ZNF727: variants seen among roughly 807,000 people sequenced by gnomAD.
ZNF727 encodes the protein putative zinc finger protein 727.
Under a neutral mutation model 11.5 loss-of-function variants are expected in ZNF727, and 11 were observed. The ratio of observed to expected loss-of-function variants is 0.95; its 90% CI spans 0.60 to 1.58. ZNF727 has a LOEUF of 1.58. ZNF727 is among the 40% of genes most tolerant of loss of function. The pLI is 0.00. For missense variants in ZNF727, 533 were observed against 581.7 expected (o/e 0.92, Z 0.86); for synonymous variants, 171 against 196.1 (o/e 0.87, Z 1.07).
At chr7:64,053,262 T>C (rs1031109387) in intron 1 of ZNF727, among the ~76,000 whole-genome samples, 1 of 152,210 alleles carries the variant, frequency 6.6e-6, no homozygotes, top group Admixed American at 6.5e-5. Flanking sequence ...TTTCCCATGC[T>C]GTTCTCCTGA....
intron 1 of ZNF727, among the ~76,000 whole-genome samples, chr7:64,062,801 A>G (rs1562793371): frequency 2.9e-5 from 4 of 139,508 alleles, no homozygotes; most frequent in Non-Finnish European, 6.3e-5. Context: ...TCTTGAGGCT[A>G]TTTTTTTTTT....
chr7:64,047,592 A>G (rs1220570863), intron 1 of ZNF727, among the ~76,000 whole-genome samples: 1 of 152,130 alleles, frequency 6.6e-6, no homozygotes, highest in Non-Finnish European at 1.5e-5. Flanking sequence ...TGTCTCTTGG[A>G]GTGTCTAGCA....
In ZNF727 at chr7:64,078,723, A is replaced by C. The variant is rs1785736116; in HGVS notation, c.*174A>C. 6.6e-6 allele frequency among the ~76,000 whole-genome samples: 1 copy of C among 152,076 alleles called. No homozygotes were observed. The highest frequency in any genetic ancestry group is 6.5e-5 in the Admixed American group (1 of 15,276). Reference sequence around the variant, plus strand: ...CCTTACAAGCCACAAGAGAATTCATATGGAAGAGAGACCTTACAAATGTGA... The same window carrying C: ...CCTTACAAGCCACAAGAGAATTCATCTGGAAGAGAGACCTTACAAATGTGA... On this transcript the variant is annotated 3_prime_UTR_variant, in exon 4 of 4. Coordinates refer to ENST00000456806, the MANE Select transcript of ZNF727 (RefSeq NM_001159522.3).
At chr7:64,053,452 C>G (rs984314821) in intron 1 of ZNF727, among the ~76,000 whole-genome samples, 1 of 152,090 alleles carries the variant, frequency 6.6e-6, no homozygotes, top group African/African-American at 2.4e-5. Flanking sequence ...TCCTGAGTAG[C>G]CAGGATTACA....
In ZNF727 at chr7:64,077,346, C is replaced by G. The variant is rs1235936660; in HGVS notation, c.297C>G (p.Ile99Met). 24 of 1,550,732 alleles carry G rather than the reference C, an allele frequency of 1.5e-5. No individual in the cohort carries two copies. Among genetic ancestry groups the G allele is most frequent in the Non-Finnish European group, 2.1e-5 (24 of 1,146,782 alleles). The stretch of plus-strand genomic sequence containing the variant: ...TAAACGATTCATTTCAAAAAGTGAT[C>G]CTGAGAAAATCTGGAAGCTGTGACC... ...HDINDSFQKV[I>M]LRKSGSCDLN... The change falls in exon 4 of 4, where the codon ATC becomes ATG. Residue 99 changes from isoleucine to methionine, a missense_variant. Around this residue, in one of 3 missense-constraint regions of ZNF727, gnomAD observed 463 missense variants for 494.5 expected, o/e 0.94. Coordinates refer to ENST00000456806, the MANE Select transcript of ZNF727 (RefSeq NM_001159522.3).
intron 3 of ZNF727, among the ~76,000 whole-genome samples, chr7:64,074,709 C>T (rs1972857): frequency 0.65 from 98,877 of 151,942 alleles, 32,540 homozygotes; most frequent in Admixed American, 0.73. Flanking sequence ...TATTTCACTT[C>T]GAAAGTATCT....
chr7:64,069,684 A>G (rs1341474131), intron 3 of ZNF727, 75 bp downstream of exon 3: 10 of 1,152,362 alleles, frequency 8.7e-6, no homozygotes, highest in African/African-American at 3.1e-5. Flanking sequence ...ACCTTGAAAC[A>G]TGCTTCCAGA....
chr7:64,074,568 G>A (rs1744685012), intron 3 of ZNF727, among the ~76,000 whole-genome samples: 1 of 152,152 alleles, frequency 6.6e-6, no homozygotes, highest in South Asian at 2.1e-4. Context: ...CGAGATTTGA[G>A]AGAGGCCAGG....
intron 1 of ZNF727, among the ~76,000 whole-genome samples, chr7:64,046,498 C>T (rs1229998999): frequency 6.6e-6 from 1 of 152,166 alleles, no homozygotes; most frequent in Non-Finnish European, 1.5e-5. Flanking sequence ...ATTGACCTCT[C>T]GATAGTGACT....
chr7:64,076,572 C>T (rs565416857), intron 3 of ZNF727, among the ~76,000 whole-genome samples: 26 of 151,876 alleles, frequency 1.7e-4, no homozygotes, highest in African/African-American at 5.1e-4. Context: ...CCAGTCTGGG[C>T]GACAGAGAGA....
At chr7:64,055,254 T>TA (rs1480854088) in intron 1 of ZNF727, among the ~76,000 whole-genome samples, 1 of 151,816 alleles carries the variant, frequency 6.6e-6, no homozygotes. Flanking sequence ...CCATATCTAC[T>TA]AAAAAATACA....
rs61739336 is a variant in ZNF727 at position 64,077,989 on chromosome 7, T to C, written c.940T>C (p.Cys314Arg). ...RIHTGEKPYK[C>R]NECGKAFMWI... is the part of the protein sequence containing the mutation. ...TCATACTGGAGAGAAACCCTACAAA[T>C]GTAATGAATGTGGAAAAGCTTTTAT... The change falls in exon 4 of 4, where the codon TGT becomes CGT. Residue 314 changes from cysteine to arginine, a missense_variant. Physicochemically the swap from Cys to Arg is radical, Grantham distance 180. Around this residue, in one of 3 missense-constraint regions of ZNF727, gnomAD observed 463 missense variants for 494.5 expected, o/e 0.94. Transcript: ENST00000456806. 6.5e-3 allele frequency: 10,433 copies of C among 1,601,150 alleles called. 59 individuals are homozygous for C. The highest frequency in any genetic ancestry group is 7.8e-3 in the Non-Finnish European group (9,130 of 1,172,998).
At position 64,081,475 on chromosome 7, in the gene ZNF727, A is replaced by G. The variant is rs1351903394; in HGVS notation, c.*2926A>G. 1.3e-5 allele frequency among the ~76,000 whole-genome samples: 2 copies of G among 152,122 alleles called. No homozygotes were observed. The highest frequency in any genetic ancestry group is 2.9e-5 in the Non-Finnish European group (2 of 68,032). Reference sequence around the variant, plus strand: ...AAACTCACCTTTGCAGACATGTGCCAGCAAAGTAATATGGGGAGTTGCCAT... The same window carrying G: ...AAACTCACCTTTGCAGACATGTGCCGGCAAAGTAATATGGGGAGTTGCCAT... On this transcript the variant is annotated 3_prime_UTR_variant, in exon 4 of 4. Coordinates refer to ENST00000456806, the MANE Select transcript of ZNF727 (RefSeq NM_001159522.3).
rs778544588 is a variant in ZNF727, at chr7:64,045,462, C to G, written c.-160C>G. 18 of 1,048,940 alleles carry G rather than the reference C, an allele frequency of 1.7e-5. 1 individual carries two copies. The highest frequency in any genetic ancestry group is 2.7e-5 in the South Asian group (2 of 73,456). The allele number at this position is 1,048,940 out of a possible 1,614,324, so 65.0% of individuals were successfully genotyped here. A position where few individuals can be genotyped will look rare whatever the true frequency, so the allele number is the denominator to read the frequency against. ...CTCTTCAATATGGCAAGGCCTTCGT[C>G]TCCTAGCTTCTAGGCTCTGAGTCCA... is the stretch of plus-strand genomic sequence containing the variant. On this transcript the variant is annotated 5_prime_UTR_variant, in exon 1 of 4. Transcript: ENST00000456806.
At position 64,045,485 on chromosome 7, in the gene ZNF727, C is replaced by G. The variant is rs996505513; in HGVS notation, c.-137C>G. 64 of 1,211,974 alleles carry G rather than the reference C, an allele frequency of 5.3e-5. No individual in the cohort carries two copies. Among genetic ancestry groups the G allele is most frequent in the Non-Finnish European group, 7.3e-5 (61 of 838,834 alleles). 75.1% of individuals were successfully genotyped at this position (1,211,974 alleles called of 1,614,324 possible). The stretch of plus-strand genomic sequence containing the variant: ...GTCTCCTAGCTTCTAGGCTCTGAGT[C>G]CAGTACCCGTCTGTACTATTCCATC... On this transcript the variant is annotated 5_prime_UTR_variant, in exon 1 of 4. Transcript: ENST00000456806.
chr7:64,072,558 T>C lies in ZNF727; in HGVS notation c.226+2949T>C, dbSNP rs199806662. On this transcript the variant is annotated intron_variant, in intron 3 of 3. Coordinates refer to ENST00000456806, the MANE Select transcript of ZNF727 (RefSeq NM_001159522.3). ...CGGTGCTGAAACTGAGTCACTGAAC[T>C]GTTTCAGAGAGCACAGTAAAGGCCA... Among the ~76,000 whole-genome samples, 4 of 152,172 alleles carry C rather than the reference T, an allele frequency of 2.6e-5. No individual in the cohort carries two copies. The East Asian group carries it at 7.7e-4, about 29-fold the overall frequency.
At chr7:64,061,098 C>T (rs1313776985) in intron 1 of ZNF727, among the ~76,000 whole-genome samples, 1 of 152,146 alleles carries the variant, frequency 6.6e-6, no homozygotes, top group Non-Finnish European at 1.5e-5. Flanking sequence ...AACATATGGT[C>T]TATCCTTGAG....
At chr7:64,061,386 T>A (rs1301844721) in intron 1 of ZNF727, among the ~76,000 whole-genome samples, 1 of 152,150 alleles carries the variant, frequency 6.6e-6, no homozygotes, top group African/African-American at 2.4e-5. Context: ...GCAATTGTTA[T>A]ATTCTCTTGC....
intron 1 of ZNF727, among the ~76,000 whole-genome samples, chr7:64,055,860 T>C (rs1463073523): frequency 6.6e-6 from 1 of 152,230 alleles, no homozygotes; most frequent in Non-Finnish European, 1.5e-5. Flanking sequence ...TTAATTCTTT[T>C]GGATATATAT....
Sources: gnomAD v4.1 joint callset for allele counts (sites outside exome capture counted in the v4.1 genomes callset) on GRCh38, gnomAD v4.1.1 for gene constraint, gnomAD v4.1.1 regional missense constraint, MANE v1.5 for transcripts, NCBI Gene and HGNC (gene_info 2026-07-23, HGNC 2026-07-21) for gene names.